Variants in KIF13A observed in about 807,000 individuals in gnomAD.
The protein encoded by KIF13A is kinesin family member 13A, also known as kinesin-like protein KIF13A.
KIF13A carries 79 observed loss-of-function variants against 212.2 expected under a neutral mutation model. The ratio of observed to expected loss-of-function variants is 0.37; its 90% CI spans 0.31 to 0.45. The LOEUF is 0.45. Among genes scored for constraint, KIF13A ranks in the 20% least tolerant of loss-of-function variants. The pLI, the probability that KIF13A is intolerant of heterozygous loss-of-function variation, is 1.00. For missense variants in KIF13A, 1,901 were observed against 2,209.0 expected (o/e 0.86, Z 2.79); for synonymous variants, 789 against 808.6 (o/e 0.98, Z 0.41).
intron 25 of KIF13A, among the ~76,000 whole-genome samples, chr6:17,792,938 T>TAGGGAGAGTGCTCCC (rs1761722367): frequency 6.6e-6 from 1 of 152,166 alleles, no homozygotes; most frequent in African/African-American, 2.4e-5. Flanking sequence ...CTCGGCACGA[T>TAGGGAGAGTGCTCCC]AGGGAGAGTG....
chr6:17,828,467 C>A lies in KIF13A; in HGVS notation c.1402-97G>T. ...TTTGAATAACGCAGCAGCATATGCA[C>A]AAAAATATTAAACGAATCCTGCCAG... is the stretch of plus-strand genomic sequence containing the variant. On this transcript the variant is annotated intron_variant, in intron 13 of 38. Transcript: ENST00000259711. This position sits in a 1 kb window ranked among gnomAD's most constrained non-coding sequence, Gnocchi z 4.3. 1.0e-6 allele frequency: 1 copy of A among 993,304 alleles called. No homozygotes were observed. Among genetic ancestry groups the A allele is most frequent in the Non-Finnish European group, 1.4e-6 (1 of 692,156 alleles). 61.5% of individuals were successfully genotyped at this position (993,304 alleles called of 1,614,324 possible). A position where few individuals can be genotyped will look rare whatever the true frequency, so the allele number is the denominator to read the frequency against.
At chr6:17,864,041 C>T (rs1769116379) in intron 4 of KIF13A, among the ~76,000 whole-genome samples, 1 of 152,160 alleles carries the variant, frequency 6.6e-6, no homozygotes, top group East Asian at 1.9e-4. Flanking sequence ...GAATGAGGTG[C>T]TATTTGTCTA....
rs539926072 is a variant in KIF13A at position 17,809,598 on chromosome 6, A to G, written c.2001-668T>C. Among the ~76,000 whole-genome samples, 1 of 152,290 alleles carries G rather than the reference A, an allele frequency of 6.6e-6. No homozygotes were observed. Among genetic ancestry groups the G allele is most frequent in the East Asian group, 1.9e-4 (1 of 5,180 alleles). On this transcript the variant is annotated intron_variant, in intron 17 of 38. Coordinates refer to ENST00000259711, the MANE Select transcript of KIF13A (RefSeq NM_022113.6). This position sits in a 1 kb window ranked among gnomAD's most constrained non-coding sequence, Gnocchi z 4.7. ...TCCTACTAGGCTGTTAGGTTGCCCC[A>G]AGGCAGGGACCATGTCTTTTTTTGC...
chr6:17,954,556 T>C (rs1253470686), intron 2 of KIF13A, among the ~76,000 whole-genome samples: 1 of 152,228 alleles, frequency 6.6e-6, no homozygotes, highest in African/African-American at 2.4e-5. Context: ...TTCTTAGTTT[T>C]CATATTAATA....
rs889431873 is a variant in KIF13A at position 17,871,322 on chromosome 6, C to T, written c.220+2055G>A. ...CAATTGGTGCCTTTCCAGATTTTCT[C>T]TCTTTAAAATCTGGTGCCTTTTCTC... On this transcript the variant is annotated intron_variant, in intron 4 of 38. Transcript: ENST00000259711. This position sits in a 1 kb window ranked among gnomAD's most constrained non-coding sequence, Gnocchi z 4.4. 2.0e-5 allele frequency among the ~76,000 whole-genome samples: 3 copies of T among 152,118 alleles called. No individual in the cohort carries two copies. The highest frequency in any genetic ancestry group is 6.5e-5 in the Admixed American group (1 of 15,286).
rs775290709 is a variant in KIF13A at position 17,799,332 on chromosome 6, C to T, written c.2724G>A (p.Val908=). The T allele has an allele frequency of 2.5e-6, 4 of 1,613,074 alleles. No homozygotes were observed. The highest frequency in any genetic ancestry group is 1.6e-4 in the Middle Eastern group (1 of 6,082). Residue 908 remains valine, a synonymous_variant, in exon 22 of 39, where the codon GTG becomes GTA. Transcript: ENST00000259711. The surrounding 1 kb of genome is among the most constrained non-coding windows in gnomAD (Gnocchi z 4.4). ...QCESTVAAPV[V]DPEVPSPQSK... ...ACTGTGGTGAAGGCACCTCGGGGTC[C>T]ACCACCGGGGCAGCCACCGTAGACT...
intron 17 of KIF13A, chr6:17,815,473 C>T (rs1173633502): frequency 5.4e-6 from 1 of 186,528 alleles, no homozygotes; most frequent in Non-Finnish European, 1.2e-5. Flanking sequence ...CCAAGGCCCG[C>T]TAGGTAATGG....
At position 17,987,180 on chromosome 6, in the gene KIF13A, G is replaced by T; in HGVS notation, c.56-36C>A. On this transcript the variant is annotated intron_variant, in intron 1 of 38. Coordinates refer to ENST00000259711, the MANE Select transcript of KIF13A (RefSeq NM_022113.6). The surrounding 1 kb of genome is among the most constrained non-coding windows in gnomAD (Gnocchi z 7.7). ...AGAGAAAGGGACGTTGCAAAGTCCA[G>T]CATCCGCGCCTCCAGCCCGCCCGCC... 1 of 1,515,366 alleles carries T rather than the reference G, an allele frequency of 6.6e-7. No individual in the cohort carries two copies. The highest frequency in any genetic ancestry group is 9.1e-7 in the Non-Finnish European group (1 of 1,104,170). The allele number at this position is 1,515,366 out of a possible 1,614,324, so 93.9% of individuals were successfully genotyped here. A position where few individuals can be genotyped will look rare whatever the true frequency, so the allele number is the denominator to read the frequency against.
intron 3 of KIF13A, among the ~76,000 whole-genome samples, chr6:17,887,565 C>T (rs1334526262): frequency 6.6e-6 from 1 of 152,192 alleles, no homozygotes; most frequent in African/African-American, 2.4e-5. Flanking sequence ...ACTCCCAATG[C>T]TCTATAAACT....
At position 17,951,062 on chromosome 6, in the gene KIF13A, A is replaced by T. The variant is rs902078971; in HGVS notation, c.146+35992T>A. 5.7e-6 allele frequency: 6 copies of T among 1,060,062 alleles called. No homozygotes were observed. In the African/African-American group the frequency reaches 8.3e-5, roughly 15 times the overall value. 65.7% of individuals were successfully genotyped at this position (1,060,062 alleles called of 1,614,324 possible). A position where few individuals can be genotyped will look rare whatever the true frequency, so the allele number is the denominator to read the frequency against. On this transcript the variant is annotated intron_variant, in intron 2 of 38. Coordinates refer to ENST00000259711, the MANE Select transcript of KIF13A (RefSeq NM_022113.6). The surrounding 1 kb of genome is among the most constrained non-coding windows in gnomAD (Gnocchi z 4.9). ...ACCCACTTTAGTAGTACACCTAAGG[A>T]CACCTAAGGAATTGTACTTATTATA...
chr6:17,978,696 A>G (rs2150633966), intron 2 of KIF13A, among the ~76,000 whole-genome samples: 1 of 152,370 alleles, frequency 6.6e-6, no homozygotes, highest in South Asian at 2.1e-4. Context: ...GATTAGTCCA[A>G]TAAACTGATA....
chr6:17,819,169 T>G (rs1396348288), intron 16 of KIF13A, among the ~76,000 whole-genome samples: 1 of 151,956 alleles, frequency 6.6e-6, no homozygotes, highest in Non-Finnish European at 1.5e-5. Context: ...CAGGCTAATT[T>G]TTTGTATTTT....
intron 3 of KIF13A, chr6:17,881,708 C>T: frequency 3.2e-6 from 1 of 312,818 alleles, no homozygotes; most frequent in Non-Finnish European, 6.3e-6. Context: ...AAAAAAGCAG[C>T]AGCAATGGCC....
At position 17,883,509 on chromosome 6, in the gene KIF13A, C is replaced by G. The variant is rs1010011777; in HGVS notation, c.160-10072G>C. Among the ~76,000 whole-genome samples the G allele has an allele frequency of 6.6e-6, 1 of 152,120 alleles. No individual in the cohort carries two copies. Among genetic ancestry groups the G allele is most frequent in the Non-Finnish European group, 1.5e-5 (1 of 68,026 alleles). The stretch of plus-strand genomic sequence containing the variant: ...GTGGCACAGCCAGGATAGCAGCACC[C>G]CAACGATACTTTGCCAAAGCCTCCA... On this transcript the variant is annotated intron_variant, in intron 3 of 38. Transcript: ENST00000259711. The surrounding 1 kb of genome is among the most constrained non-coding windows in gnomAD (Gnocchi z 4.8).
intron 3 of KIF13A, among the ~76,000 whole-genome samples, chr6:17,880,850 C>T (rs1297464555): frequency 6.6e-6 from 1 of 152,014 alleles, no homozygotes. Flanking sequence ...GAACTCCTGA[C>T]CCCAAGCAAT....
chr6:17,807,784 A>G (rs1158428550), intron 18 of KIF13A, among the ~76,000 whole-genome samples: 1 of 150,608 alleles, frequency 6.6e-6, no homozygotes, highest in Admixed American at 6.6e-5. Flanking sequence ...GGTCCTACCG[A>G]TATGTGATGT....
intron 16 of KIF13A, among the ~76,000 whole-genome samples, chr6:17,817,622 C>A (rs1764067100): frequency 6.6e-6 from 1 of 152,154 alleles, no homozygotes; most frequent in Non-Finnish European, 1.5e-5. Context: ...AAGATTTGAT[C>A]TTTCTTTATG....
intron 2 of KIF13A, among the ~76,000 whole-genome samples, chr6:17,928,588 C>T (rs1036169864): frequency 2.6e-5 from 4 of 152,166 alleles, no homozygotes; most frequent in South Asian, 2.1e-4. Context: ...TATTATGCTA[C>T]AAGGAGACTA....
chr6:17,877,098 A>G (rs1199785712), intron 3 of KIF13A, among the ~76,000 whole-genome samples: 1 of 134,302 alleles, frequency 7.4e-6, no homozygotes, highest in Non-Finnish European at 1.5e-5. Flanking sequence ...ATTTTTTTAC[A>G]TTATAAAAGA....
Sources: gnomAD v4.1 joint callset for allele counts (sites outside exome capture counted in the v4.1 genomes callset) on GRCh38, gnomAD v4.1.1 for gene constraint, Gnocchi (gnomAD v3.1) non-coding constraint, MANE v1.5 for transcripts, NCBI Gene and HGNC (gene_info 2026-07-23, HGNC 2026-07-21) for gene names.